The following LOC131768270 variants were observed in gnomAD, a reference collection of about 807,000 sequenced individuals.
chr5:140,565,003 A>C, the LOC131768270 span: 1 of 398,920 alleles, frequency 2.5e-6, no homozygotes, highest in Non-Finnish European at 4.4e-6. Context: ...CTGCCTCAAC[A>C]GTGTGGAGTG....
the LOC131768270 span, chr5:140,567,556 C>T: frequency 1.4e-5 from 23 of 1,614,104 alleles, no homozygotes; most frequent in African/African-American, 2.7e-5. Context: ...CAGCTGTGCT[C>T]TACTGCCTCT....
chr5:140,565,209 A>G, the LOC131768270 span: 1 of 301,084 alleles, frequency 3.3e-6, no homozygotes, highest in South Asian at 1.6e-4. Context: ...GGACACTCAC[A>G]CCACCCTCAT....
chr5:140,567,207 G>A, the LOC131768270 span: 251 of 1,613,618 alleles, frequency 1.6e-4, 2 homozygotes, highest in Middle Eastern at 2.0e-3. Context: ...GGCCTGGGCC[G>A]TCCCAGGCAG....
the LOC131768270 span, chr5:140,567,598 G>T: frequency 6.2e-7 from 1 of 1,614,260 alleles, no homozygotes; most frequent in Non-Finnish European, 8.5e-7. Flanking sequence ...TGCGTCAGGG[G>T]TTAGCGCTGC....
chr5:140,567,693 C>T, the LOC131768270 span: 30 of 1,614,012 alleles, frequency 1.9e-5, no homozygotes, highest in Non-Finnish European at 1.5e-5. Context: ...CCTCCAGCAG[C>T]TGCTGCCAGC....
chr5:140,566,970 C>G, the LOC131768270 span: 6 of 813,014 alleles, frequency 7.4e-6, no homozygotes, highest in African/African-American at 1.7e-5. Context: ...GGACTCGCCC[C>G]AAGACTGTGG....
At chr5:140,567,709 G>T in the LOC131768270 span, 1 of 1,614,104 alleles carries the variant, frequency 6.2e-7, no homozygotes, top group Non-Finnish European at 8.5e-7. Context: ...CCAGCCCCAT[G>T]CCCCTGCATA....
the LOC131768270 span, chr5:140,565,807 C>A: frequency 2.5e-6 from 1 of 398,090 alleles, no homozygotes; most frequent in Non-Finnish European, 4.4e-6. Flanking sequence ...TTCCCAGCTT[C>A]TGATGGAATT....
At chr5:140,565,482 T>C in the LOC131768270 span, 1 of 158,992 alleles carries the variant, frequency 6.3e-6, no homozygotes, top group Admixed American at 6.5e-5. Context: ...ATTTACTAAA[T>C]GTCAGGCACT....
At chr5:140,567,621 C>G in the LOC131768270 span, 1 of 1,614,198 alleles carries the variant, frequency 6.2e-7, no homozygotes, top group African/African-American at 1.3e-5. Context: ...CTGCTGATGG[C>G]TGCGGGAGCC....
At chr5:140,566,757 G>A in the LOC131768270 span, 34 of 595,316 alleles carry the variant, frequency 5.7e-5, no homozygotes, top group African/African-American at 6.0e-4. Flanking sequence ...CAAGGGGCCC[G>A]ACTAGCTCTA....
At chr5:140,567,797 A>G in the LOC131768270 span, 2 of 1,614,080 alleles carry the variant, frequency 1.2e-6, no homozygotes, top group Middle Eastern at 1.6e-4. Context: ...AGAGCTGCTC[A>G]TGAAGCGACA....
At chr5:140,566,074 AG>A in the LOC131768270 span, 1 of 396,964 alleles carries the variant, frequency 2.5e-6, no homozygotes, top group Admixed American at 4.4e-5. Context: ...GTGATTATTG[AG>A]GGCCTATTCT....
the LOC131768270 span, chr5:140,567,324 C>T: frequency 6.2e-7 from 1 of 1,614,202 alleles, no homozygotes; most frequent in Non-Finnish European, 8.5e-7. Context: ...CGGCCCTCCT[C>T]AGCCGTGCTG....
the LOC131768270 span, chr5:140,567,598 G>C: frequency 6.2e-7 from 1 of 1,614,260 alleles, no homozygotes. Context: ...TGCGTCAGGG[G>C]TTAGCGCTGC....
At chr5:140,565,311 T>C in the LOC131768270 span, 1 of 165,520 alleles carries the variant, frequency 6.0e-6, no homozygotes, top group Non-Finnish European at 1.3e-5. Flanking sequence ...CGACAGTCTT[T>C]TTTGTCATTC....
the LOC131768270 span, chr5:140,565,614 C>T: frequency 7.3e-6 from 2 of 275,422 alleles, no homozygotes; most frequent in African/African-American, 2.2e-5. Context: ...TTCCTACATA[C>T]TGCTTGCTAT....
chr5:140,567,551 G>A, the LOC131768270 span: 5 of 1,614,084 alleles, frequency 3.1e-6, no homozygotes, highest in Non-Finnish European at 4.2e-6. Flanking sequence ...AAGCACAGCT[G>A]TGCTCTACTG....
chr5:140,565,916 A>G, the LOC131768270 span: 2 of 398,976 alleles, frequency 5.0e-6, no homozygotes, highest in Non-Finnish European at 8.8e-6. Flanking sequence ...CTCAAGAACC[A>G]GCTGGAAAGC....
Sources: gnomAD v4.1 joint callset for allele counts on GRCh38, gnomAD v4.1.1 for gene constraint, MANE v1.5 for transcripts.